CDH13: variants seen among roughly 807,000 people sequenced by gnomAD.
CDH13 encodes the protein cadherin 13.
A neutral mutation model predicts 63.8 loss-of-function variants in CDH13; 24 were observed. That is an observed-to-expected ratio of 0.38 (90% CI 0.27 to 0.53). The LOEUF is 0.53. Ranked by LOEUF, CDH13 falls within the 20% of genes least tolerant of loss-of-function variation. The probability of loss-of-function intolerance (pLI) is 0.85; values close to 1 mark genes in which losing one functional copy is unlikely to be tolerated. For synonymous variants in CDH13, 503 were observed against 355.3 expected (o/e 1.42, Z -4.67); for missense variants, 1,049 against 903.1 (o/e 1.16, Z -2.07).
At position 83,158,207 on chromosome 16, in the gene CDH13, A is replaced by T. The variant is rs536865226; in HGVS notation, c.483+32706A>T. Among the ~76,000 whole-genome samples, 10 of 151,848 alleles carry T rather than the reference A, an allele frequency of 6.6e-5. No homozygotes were observed. The South Asian group carries it at 2.1e-3, about 32-fold the overall frequency. On this transcript the variant is annotated intron_variant, in intron 4 of 13. Transcript: ENST00000567109. ...AGGTCAGAGGCAATCCCTCGCCTTC[A>T]CCTCTCATCTTATTTTTAAATAAAA...
chr16:82,903,650 C>A (rs574342338), intron 2 of CDH13, among the ~76,000 whole-genome samples: 20 of 152,260 alleles, frequency 1.3e-4, no homozygotes, highest in Admixed American at 4.6e-4. Context: ...TGGAAACTTT[C>A]TACTTGGAAT....
rs1010331396 is a variant in CDH13 at position 83,446,230 on chromosome 16, C to T, written c.782-40247C>T. ...AGGCAAGAGAATCGCTTGAACCCAGCAGGCAGAGGTTGCGGTGAGCCGAGA... is the reference window on the plus strand; with the variant it reads ...AGGCAAGAGAATCGCTTGAACCCAGTAGGCAGAGGTTGCGGTGAGCCGAGA... On this transcript the variant is annotated intron_variant, in intron 6 of 13. Transcript: ENST00000567109. 2.7e-5 allele frequency among the ~76,000 whole-genome samples: 4 copies of T among 149,318 alleles called. 1 individual carries two copies. The highest frequency in any genetic ancestry group is 4.2e-4 in the South Asian group (2 of 4,748).
At chr16:83,231,593 C>T (rs1410573538) in intron 5 of CDH13, among the ~76,000 whole-genome samples, 1 of 152,200 alleles carries the variant, frequency 6.6e-6, no homozygotes. Flanking sequence ...GGTCTGCAAA[C>T]TGTGGCCTGC....
At chr16:83,260,363 T>C (rs1906836824) in intron 5 of CDH13, among the ~76,000 whole-genome samples, 1 of 151,990 alleles carries the variant, frequency 6.6e-6, no homozygotes, top group Admixed American at 6.6e-5. Context: ...CAGGAATGAG[T>C]GGGGCTAGGT....
chr16:83,443,702 T>C (rs575557764), intron 6 of CDH13, among the ~76,000 whole-genome samples: 696 of 41,084 alleles, frequency 0.017, 16 homozygotes, highest in African/African-American at 0.06. Flanking sequence ...GCGAAGTCCC[T>C]ACGAAAAAAA....
intron 10 of CDH13, among the ~76,000 whole-genome samples, chr16:83,733,443 A>G (rs1476384896): frequency 6.6e-6 from 1 of 152,116 alleles, no homozygotes; most frequent in Admixed American, 6.5e-5. Flanking sequence ...GCCACTGGAG[A>G]GGGAGGTCCC....
chr16:83,225,825 A>G (rs1186430671), intron 5 of CDH13, among the ~76,000 whole-genome samples: 2 of 152,188 alleles, frequency 1.3e-5, no homozygotes, highest in African/African-American at 4.8e-5. Context: ...TTGTGTTACT[A>G]TAACTTGTCT....
At chr16:83,469,381 C>T (rs1007497442) in intron 6 of CDH13, among the ~76,000 whole-genome samples, 1 of 152,140 alleles carries the variant, frequency 6.6e-6, no homozygotes, top group East Asian at 1.9e-4. Flanking sequence ...ATTTCAGAGG[C>T]TTCAGTGCTA....
At chr16:83,328,670 T>A (rs1236073804) in intron 5 of CDH13, among the ~76,000 whole-genome samples, 1 of 152,078 alleles carries the variant, frequency 6.6e-6, no homozygotes. Context: ...GGTTGTAGTT[T>A]GAAGATATAG....
intron 1 of CDH13, chr16:82,824,173 A>G (rs1446973871): frequency 1.3e-5 from 2 of 152,226 alleles, no homozygotes; most frequent in Non-Finnish European, 2.9e-5. Flanking sequence ...TCAAAACAAA[A>G]TAAGTGATTT....
chr16:83,127,010 G>A (rs1338778739), intron 4 of CDH13, among the ~76,000 whole-genome samples: 1 of 152,296 alleles, frequency 6.6e-6, no homozygotes, highest in Middle Eastern at 3.4e-3. Context: ...TGTGATGGCT[G>A]GTTGGAGGTA....
chr16:83,275,504 G>A (rs555234215), intron 5 of CDH13, among the ~76,000 whole-genome samples: 1 of 152,286 alleles, frequency 6.6e-6, no homozygotes, highest in South Asian at 2.1e-4. Context: ...TCTCTGATGA[G>A]GAGCTGTGTT....
chr16:83,728,329 G>A (rs1002070586), intron 10 of CDH13, among the ~76,000 whole-genome samples: 3 of 142,484 alleles, frequency 2.1e-5, no homozygotes, highest in African/African-American at 5.3e-5. Context: ...ATGTGTGTAT[G>A]TGTATGTGTG....
At chr16:83,585,858 G>A (rs1055903493) in intron 7 of CDH13, among the ~76,000 whole-genome samples, 3 of 152,160 alleles carry the variant, frequency 2.0e-5, no homozygotes, top group African/African-American at 7.2e-5. Flanking sequence ...CTGGGGAGGT[G>A]AAGAATAGTA....
intron 5 of CDH13, among the ~76,000 whole-genome samples, chr16:83,290,168 G>A (rs1448909695): frequency 6.6e-6 from 1 of 152,122 alleles, no homozygotes; most frequent in Non-Finnish European, 1.5e-5. Context: ...CCTCCTTGCT[G>A]CTGTGCAATA....
intron 11 of CDH13, among the ~76,000 whole-genome samples, chr16:83,777,416 G>T (rs549742956): frequency 1.3e-5 from 2 of 152,214 alleles, no homozygotes; most frequent in African/African-American, 4.8e-5. Flanking sequence ...CTGCAGCTGC[G>T]CTGAGTCTTG....
chr16:83,753,354 G>A (rs978428379), intron 11 of CDH13, among the ~76,000 whole-genome samples: 6 of 151,972 alleles, frequency 3.9e-5, no homozygotes, highest in Admixed American at 3.9e-4. Context: ...AACCATCCTG[G>A]GCAACATGGC....
At chr16:83,730,497 C>T (rs10514595) in intron 10 of CDH13, among the ~76,000 whole-genome samples, 1 of 152,124 alleles carries the variant, frequency 6.6e-6, no homozygotes, top group Non-Finnish European at 1.5e-5. Context: ...GAGATACCTC[C>T]TTCTGGGCTA....
At chr16:83,298,198 G>A (rs981135186) in intron 5 of CDH13, among the ~76,000 whole-genome samples, 4 of 151,924 alleles carry the variant, frequency 2.6e-5, no homozygotes, top group Admixed American at 6.6e-5. Context: ...AGCAATGATC[G>A]CCCCACTGCA....
Sources: allele counts gnomAD v4.1 joint callset (sites outside exome capture counted in the v4.1 genomes callset), GRCh38; gene constraint gnomAD v4.1.1; transcripts MANE v1.5; gene names NCBI Gene and HGNC (gene_info 2026-07-23, HGNC 2026-07-21).